Variants in PRLR observed in about 807,000 individuals in gnomAD.
PRLR encodes the protein prolactin receptor.
PRLR carries 13 observed loss-of-function variants against 40.2 expected under a neutral mutation model. The ratio of observed to expected loss-of-function variants is 0.32; its 90% CI spans 0.21 to 0.51. PRLR has a LOEUF of 0.51. Ranked by LOEUF, PRLR falls within the 20% of genes least tolerant of loss-of-function variation. The probability of loss-of-function intolerance (pLI) is 0.97; values close to 1 mark genes in which losing one functional copy is unlikely to be tolerated. For synonymous variants in PRLR, 269 were observed against 278.7 expected (o/e 0.97, Z 0.35); for missense variants, 656 against 747.3 (o/e 0.88, Z 1.42).
chr5:35,227,981 C>T (rs775696575), intron 1 of PRLR, among the ~76,000 whole-genome samples: 4 of 152,122 alleles, frequency 2.6e-5, no homozygotes, highest in Non-Finnish European at 5.9e-5. Flanking sequence ...CTTGACACTG[C>T]ACAATTCGAA....
intron 5 of PRLR, among the ~76,000 whole-genome samples, chr5:35,076,144 A>C (rs557431119): frequency 6.6e-6 from 1 of 152,340 alleles, no homozygotes; most frequent in African/African-American, 2.4e-5. Flanking sequence ...TCTCCTCCAA[A>C]GGAATGCAGT....
intron 1 of PRLR, among the ~76,000 whole-genome samples, chr5:35,187,007 G>A (rs1007017): frequency 3.3e-5 from 5 of 152,012 alleles, no homozygotes; most frequent in Non-Finnish European, 5.9e-5. Flanking sequence ...ACCAGGAAGC[G>A]CACCAAACCA....
intron 1 of PRLR, among the ~76,000 whole-genome samples, chr5:35,119,370 C>CCT (rs1209913837): frequency 6.0e-4 from 88 of 147,368 alleles, no homozygotes; most frequent in Non-Finnish European, 8.0e-4. Flanking sequence ...CCATTGACAA[C>CCT]CTCTCTCTCT....
chr5:35,136,267 G>A (rs1299605434), intron 1 of PRLR, among the ~76,000 whole-genome samples: 2 of 152,162 alleles, frequency 1.3e-5, no homozygotes, highest in Non-Finnish European at 2.9e-5. Flanking sequence ...GAATTTCTTA[G>A]GTACAAGGTA....
chr5:35,085,630 G>T (rs780008579), intron 4 of PRLR, among the ~76,000 whole-genome samples: 1 of 152,068 alleles, frequency 6.6e-6, no homozygotes, highest in Non-Finnish European at 1.5e-5. Context: ...AAACAAGTTT[G>T]AAAACCTAAT....
chr5:35,111,827 C>T (rs916081336), intron 2 of PRLR, among the ~76,000 whole-genome samples: 9 of 152,108 alleles, frequency 5.9e-5, no homozygotes, highest in Non-Finnish European at 5.9e-5. Context: ...AGAAGAAAGA[C>T]TGGAAATATA....
In PRLR at chr5:35,086,560, G is replaced by GGTGTGT. The variant is rs113256007; in HGVS notation, c.71-226_71-221dup. Among the ~76,000 whole-genome samples, 355 of 148,178 alleles carry GGTGTGT rather than the reference G, an allele frequency of 2.4e-3. 1 individual carries two copies. The highest frequency in any genetic ancestry group is 8.2e-3 in the African/African-American group (334 of 40,556). ...CATTGCTCTTAGAGAGCATTTTGCTGGTGTGTGTGTGTGTGTGTGTGTGTG... is the reference window on the plus strand; with the variant it reads ...CATTGCTCTTAGAGAGCATTTTGCTGGTGTGTGTGTGTGTGTGTGTGTGTGTGTGTG... On this transcript the variant is annotated intron_variant, in intron 3 of 9. Coordinates refer to ENST00000618457, the MANE Select transcript of PRLR (RefSeq NM_000949.7).
At chr5:35,200,217 TG>T (rs1182475069) in intron 1 of PRLR, among the ~76,000 whole-genome samples, 4 of 152,236 alleles carry the variant, frequency 2.6e-5, no homozygotes, top group Non-Finnish European at 5.9e-5. Context: ...TTAACACGCC[TG>T]TCCTATACAC....
intron 1 of PRLR, among the ~76,000 whole-genome samples, chr5:35,160,926 A>C (rs1774657111): frequency 1.3e-5 from 2 of 152,222 alleles, no homozygotes; most frequent in Non-Finnish European, 1.5e-5. Flanking sequence ...TGACTTGAGT[A>C]ATAACTCTGT....
chr5:35,068,097 A>G, intron 9 of PRLR, 119 bp downstream of exon 9: 1 of 882,176 alleles, frequency 1.1e-6, no homozygotes, highest in South Asian at 1.4e-5. Context: ...CAGGAGAGAC[A>G]GTCCAAAAAG....
chr5:35,226,188 A>G (rs1167280786), intron 1 of PRLR, among the ~76,000 whole-genome samples: 2 of 152,252 alleles, frequency 1.3e-5, no homozygotes, highest in Non-Finnish European at 2.9e-5. Context: ...GCATTCAGCT[A>G]CTTAATTTAC....
chr5:35,131,344 A>G (rs1473956783), intron 1 of PRLR, among the ~76,000 whole-genome samples: 2 of 152,148 alleles, frequency 1.3e-5, no homozygotes, highest in African/African-American at 2.4e-5. Context: ...CAAGAGGCTG[A>G]AGAAGAGATC....
chr5:35,141,913 C>T (rs1341337109), intron 1 of PRLR, among the ~76,000 whole-genome samples: 1 of 152,222 alleles, frequency 6.6e-6, no homozygotes, highest in Non-Finnish European at 1.5e-5. Context: ...AACTGGTTCC[C>T]GTCTCCTCCA....
At chr5:35,144,332 T>C (rs1204032346) in intron 1 of PRLR, among the ~76,000 whole-genome samples, 2 of 152,242 alleles carry the variant, frequency 1.3e-5, no homozygotes, top group Admixed American at 1.3e-4. Flanking sequence ...AAAGGGGCTT[T>C]GTTCCCTAGA....
downstream of PRLR, among the ~76,000 whole-genome samples, chr5:35,052,619 C>G (rs1000745573): frequency 2.0e-5 from 3 of 152,166 alleles, no homozygotes; most frequent in Non-Finnish European, 2.9e-5. Context: ...GTCAGCTTTA[C>G]AGTCTAAAAA....
chr5:35,081,948 A>T, intron 5 of PRLR: 1 of 200,078 alleles, frequency 5.0e-6, no homozygotes, highest in Non-Finnish European at 1.1e-5. Flanking sequence ...ACAGTGAATT[A>T]GGCTGCAGCA....
chr5:35,206,769 A>C (rs1776031076), intron 1 of PRLR, among the ~76,000 whole-genome samples: 1 of 152,072 alleles, frequency 6.6e-6, no homozygotes, highest in Non-Finnish European at 1.5e-5. Context: ...GTAAACCCAA[A>C]TCATAGTCCA....
At chr5:35,178,111 T>A (rs1358459906) in intron 1 of PRLR, among the ~76,000 whole-genome samples, 1 of 152,190 alleles carries the variant, frequency 6.6e-6, no homozygotes, top group African/African-American at 2.4e-5. Flanking sequence ...CATTTCTATA[T>A]CATTTTTTGA....
intron 1 of PRLR, among the ~76,000 whole-genome samples, chr5:35,194,566 T>C (rs1263957878): frequency 1.3e-5 from 2 of 152,136 alleles, no homozygotes; most frequent in Non-Finnish European, 2.9e-5. Context: ...AGTACATCCA[T>C]ACAATGGAGT....
Sources: allele counts gnomAD v4.1 joint callset (sites outside exome capture counted in the v4.1 genomes callset), GRCh38; gene constraint gnomAD v4.1.1; transcripts MANE v1.5; gene names NCBI Gene and HGNC (gene_info 2026-07-23, HGNC 2026-07-21).